TMEM117: variants seen among roughly 807,000 people sequenced by gnomAD.
TMEM117 encodes transmembrane protein 117.
In TMEM117, 27 loss-of-function variants were observed where a neutral mutation model predicts 52.4. That is an observed-to-expected ratio of 0.51 (90% CI 0.38 to 0.71). The LOEUF (loss-of-function observed/expected upper bound fraction) is 0.71. TMEM117 is among the 30% of genes least tolerant of loss of function. The pLI, the probability that TMEM117 is intolerant of heterozygous loss-of-function variation, is 0.00. For missense variants in TMEM117, 556 were observed against 630.5 expected, an observed-to-expected ratio of 0.88 and a Z score of 1.26; for synonymous variants, 215 against 206.3, an observed-to-expected ratio of 1.04 and a Z score of -0.36.
chr12:44,180,565 C>G (rs1407762410), intron 4 of TMEM117, among the ~76,000 whole-genome samples: 1 of 140,176 alleles, frequency 7.1e-6, no homozygotes, highest in Non-Finnish European at 1.5e-5. Context: ...CATGTGATCT[C>G]ATTGTTCAAT....
At chr12:43,844,008 A>G (rs1034418255) in intron 1 of TMEM117, among the ~76,000 whole-genome samples, 7 of 152,228 alleles carry the variant, frequency 4.6e-5, no homozygotes, top group African/African-American at 1.7e-4. Flanking sequence ...ATATATGCTC[A>G]TTTTACCTCT....
chr12:44,146,997 G>A (rs1948652211), intron 4 of TMEM117, among the ~76,000 whole-genome samples: 1 of 152,120 alleles, frequency 6.6e-6, no homozygotes, highest in South Asian at 2.1e-4. Context: ...AGAGCTTCAA[G>A]CTCTGCTGGG....
At chr12:43,904,026 G>A (rs74645479) in intron 2 of TMEM117, among the ~76,000 whole-genome samples, 2,087 of 152,252 alleles carry the variant, frequency 0.014, 35 homozygotes, top group African/African-American at 0.048. Context: ...TGTGTTATAA[G>A]TGAATGCCTG....
chr12:44,214,911 A>G (rs1326505357), intron 5 of TMEM117, among the ~76,000 whole-genome samples: 1 of 152,186 alleles, frequency 6.6e-6, no homozygotes, highest in Non-Finnish European at 1.5e-5. Context: ...CATAAAAGGG[A>G]TTTAGCAAGT....
intron 4 of TMEM117, among the ~76,000 whole-genome samples, chr12:44,190,154 A>C (rs1001343816): frequency 6.6e-6 from 1 of 152,142 alleles, no homozygotes. Flanking sequence ...TTGTTCTGCC[A>C]CTTTTGTAAT....
chr12:44,001,910 C>G (rs1043916074), intron 3 of TMEM117, among the ~76,000 whole-genome samples: 2 of 152,110 alleles, frequency 1.3e-5, no homozygotes, highest in Non-Finnish European at 2.9e-5. Flanking sequence ...AGGGGAATTT[C>G]CCAGTGTCCA....
chr12:44,162,388 A>G (rs1011790430), intron 4 of TMEM117, among the ~76,000 whole-genome samples: 6 of 152,162 alleles, frequency 3.9e-5, no homozygotes, highest in Admixed American at 6.5e-5. Context: ...CTCCCTCCAC[A>G]GACAGAGCTG....
chr12:44,144,064 T>C (rs1294008591), intron 4 of TMEM117, among the ~76,000 whole-genome samples: 2 of 152,230 alleles, frequency 1.3e-5, no homozygotes, highest in African/African-American at 4.8e-5. Context: ...TGAAATATTT[T>C]TTTTAGCAAT....
chr12:44,201,844 G>T (rs2138371037), intron 4 of TMEM117, among the ~76,000 whole-genome samples: 1 of 152,110 alleles, frequency 6.6e-6, no homozygotes, highest in East Asian at 1.9e-4. Context: ...TTATAAAGCA[G>T]AATGTAGAAA....
intron 3 of TMEM117, among the ~76,000 whole-genome samples, chr12:44,139,230 C>G (rs1433082592): frequency 6.6e-6 from 1 of 152,128 alleles, no homozygotes; most frequent in Non-Finnish European, 1.5e-5. Context: ...AATTCAGACT[C>G]AACCACTAAA....
intron 2 of TMEM117, among the ~76,000 whole-genome samples, chr12:43,860,417 G>A (rs932435803): frequency 6.6e-6 from 1 of 152,048 alleles, no homozygotes; most frequent in African/African-American, 2.4e-5. Flanking sequence ...AGGAAAAGAT[G>A]GATAATAAAC....
At chr12:43,799,189 T>C in the TMEM117 span, among the ~76,000 whole-genome samples, 1 of 152,124 alleles carries the variant, frequency 6.6e-6, no homozygotes, top group African/African-American at 2.4e-5. Flanking sequence ...GGAAAAGCTA[T>C]TTATAAAATG....
chr12:44,070,986 A>G (rs1467676276), intron 3 of TMEM117, among the ~76,000 whole-genome samples: 1 of 152,186 alleles, frequency 6.6e-6, no homozygotes, highest in East Asian at 1.9e-4. Context: ...ACACAGTGGA[A>G]AAGTTCCTGA....
chr12:44,072,954 G>C (rs1357467043), intron 3 of TMEM117, among the ~76,000 whole-genome samples: 1 of 152,092 alleles, frequency 6.6e-6, no homozygotes, highest in East Asian at 1.9e-4. Context: ...GCTGGGCATG[G>C]TGGTGTGTGC....
chr12:44,032,079 A>T (rs550228003), intron 3 of TMEM117, among the ~76,000 whole-genome samples: 1 of 152,348 alleles, frequency 6.6e-6, no homozygotes, highest in East Asian at 1.9e-4. Flanking sequence ...TACTCAACTC[A>T]TAGGTATTTG....
chr12:44,310,148 A>C (rs1353188453), intron 6 of TMEM117, among the ~76,000 whole-genome samples: 2 of 152,258 alleles, frequency 1.3e-5, no homozygotes, highest in Non-Finnish European at 2.9e-5. Context: ...TGTGGATAGA[A>C]GAAAATTAAT....
chr12:43,827,525 G>A, the TMEM117 span, among the ~76,000 whole-genome samples: 1 of 152,186 alleles, frequency 6.6e-6, no homozygotes, highest in African/African-American at 2.4e-5. Flanking sequence ...GTAAATGTGA[G>A]AGATGTAAAT....
chr12:44,012,972 T>A (rs1333627667), intron 3 of TMEM117, among the ~76,000 whole-genome samples: 1 of 152,058 alleles, frequency 6.6e-6, no homozygotes, highest in Non-Finnish European at 1.5e-5. Flanking sequence ...GGGGAAGTCT[T>A]TTGTACTCCT....
intron 5 of TMEM117, among the ~76,000 whole-genome samples, chr12:44,261,684 A>C (rs1950322240): frequency 6.6e-6 from 1 of 152,218 alleles, no homozygotes; most frequent in Non-Finnish European, 1.5e-5. Context: ...TGCTGTTGCT[A>C]TTATGACATT....
Sources: gnomAD v4.1 joint callset for allele counts (sites outside exome capture counted in the v4.1 genomes callset) on GRCh38, gnomAD v4.1.1 for gene constraint, MANE v1.5 for transcripts, NCBI Gene and HGNC (gene_info 2026-07-23, HGNC 2026-07-21) for gene names.